NR3C2: variants seen among roughly 807,000 people sequenced by gnomAD.
NR3C2 encodes nuclear receptor subfamily 3 group C member 2.
A neutral mutation model predicts 86.4 loss-of-function variants in NR3C2; 15 were observed. The observed-to-expected ratio is 0.17, with a 90% CI of 0.12 to 0.27. The LOEUF (loss-of-function observed/expected upper bound fraction) is 0.27. NR3C2 is among the 10% of genes least tolerant of loss of function. NR3C2 has a pLI of 1.00. For missense variants in NR3C2, 960 were observed against 1,195.6 expected (o/e 0.80, Z 2.91); for synonymous variants, 458 against 450.5 (o/e 1.02, Z -0.21).
At chr4:148,207,523 G>T (rs1450738488) in intron 3 of NR3C2, among the ~76,000 whole-genome samples, 1 of 152,168 alleles carries the variant, frequency 6.6e-6, no homozygotes, top group African/African-American at 2.4e-5. Context: ...CTTATTTACA[G>T]CTGAAACTCA....
intron 4 of NR3C2, among the ~76,000 whole-genome samples, chr4:148,172,662 T>C (rs1735188768): frequency 6.6e-6 from 1 of 152,248 alleles, no homozygotes; most frequent in Admixed American, 6.5e-5. Context: ...GGCATGTTTG[T>C]TTATTCATTC....
At chr4:148,324,287 A>T (rs1579159913) in intron 2 of NR3C2, among the ~76,000 whole-genome samples, 1 of 152,104 alleles carries the variant, frequency 6.6e-6, no homozygotes, top group Non-Finnish European at 1.5e-5. Context: ...ATGTTGTCGC[A>T]AATGGCAGGA....
At chr4:148,334,818 T>G (rs553222220) in intron 2 of NR3C2, among the ~76,000 whole-genome samples, 2 of 152,120 alleles carry the variant, frequency 1.3e-5, no homozygotes, top group South Asian at 4.1e-4. Context: ...GAAGTCCGAG[T>G]TCGAGATGTT....
At chr4:148,154,964 C>T in intron 4 of NR3C2, 63 bp from the exon 5 acceptor site, 1 of 1,315,352 alleles carries the variant, frequency 7.6e-7, no homozygotes. Context: ...CTGACTCACA[C>T]TGGTTAAAGT....
chr4:148,351,553 G>C (rs1745276886), intron 2 of NR3C2, among the ~76,000 whole-genome samples: 1 of 152,114 alleles, frequency 6.6e-6, no homozygotes, highest in African/African-American at 2.4e-5. Context: ...GTCAGCAGTG[G>C]GATCCTGGAA....
chr4:148,320,314 C>T (rs947289582), intron 2 of NR3C2, among the ~76,000 whole-genome samples: 2 of 91,350 alleles, frequency 2.2e-5, no homozygotes, highest in Non-Finnish European at 4.1e-5. Flanking sequence ...CAATGTTCAT[C>T]AAGGATATTG....
chr4:148,306,827 A>G (rs1014620975), intron 2 of NR3C2, among the ~76,000 whole-genome samples: 1 of 152,222 alleles, frequency 6.6e-6, no homozygotes, highest in Non-Finnish European at 1.5e-5. Context: ...TATAGCACAT[A>G]TATCTTATGG....
At position 148,081,456 on chromosome 4, in the gene NR3C2, T is replaced by A; in HGVS notation, c.2843A>T (p.Glu948Val). The A allele has an allele frequency of 6.2e-7, 1 of 1,614,024 alleles. No individual in the cohort carries two copies. Among genetic ancestry groups the A allele is most frequent in the Non-Finnish European group, 8.5e-7 (1 of 1,179,992 alleles). Reference protein sequence around the residue: ...LLEFCFYTFRESHALKVEFPA... With the variant: ...LLEFCFYTFRVSHALKVEFPA... ...GAACTCTACCTTCAGCGCATGGGAC[T>A]CTCGGAAGGTGTAGAAGCAGAATTC... Residue 948 changes from glutamate (E) to valine (V), a missense_variant, in exon 9 of 9, where the codon GAG (glutamate) becomes GTG (valine). By Grantham distance (121) the Glu-to-Val change is moderately radical (BLOSUM62 -2). Transcript: ENST00000358102.
Position 148,207,718 on chromosome 4 carries a change from C to T in NR3C2, c.1898-12856G>A, listed in dbSNP as rs374884246. 1.6e-4 allele frequency among the ~76,000 whole-genome samples: 24 copies of T among 152,218 alleles called. No individual in the cohort carries two copies. The South Asian group carries it at 3.1e-3, about 20-fold the overall frequency. ...CTCACAGGGGCTTATAAAGATTAAG[C>T]CAACAGTACAGTAGTCTCCCTTTAT... On this transcript the variant is annotated intron_variant, in intron 3 of 8. Transcript: ENST00000358102.
chr4:148,134,041 C>T (rs931105653), intron 6 of NR3C2, among the ~76,000 whole-genome samples: 6 of 152,154 alleles, frequency 3.9e-5, no homozygotes, highest in Non-Finnish European at 5.9e-5. Context: ...TTTTTGGATG[C>T]CACAATTCTG....
At chr4:148,390,234 A>G (rs1189561654) in intron 2 of NR3C2, among the ~76,000 whole-genome samples, 2 of 151,736 alleles carry the variant, frequency 1.3e-5, no homozygotes, top group Non-Finnish European at 2.9e-5. Flanking sequence ...CTTCAAGTAT[A>G]CATTCCTTAA....
At chr4:148,121,278 G>C (rs1445618537) in intron 6 of NR3C2, among the ~76,000 whole-genome samples, 1 of 152,016 alleles carries the variant, frequency 6.6e-6, no homozygotes, top group Non-Finnish European at 1.5e-5. Context: ...ATGGATTCTG[G>C]GGCTCCCCTC....
intron 3 of NR3C2, among the ~76,000 whole-genome samples, chr4:148,215,738 A>T (rs1737497750): frequency 6.6e-6 from 1 of 152,016 alleles, no homozygotes; most frequent in Non-Finnish European, 1.5e-5. Flanking sequence ...GGAGATCTCC[A>T]AAGGGGTTAA....
intron 2 of NR3C2, among the ~76,000 whole-genome samples, chr4:148,330,502 T>C (rs1432110980): frequency 1.3e-5 from 2 of 148,536 alleles, no homozygotes; most frequent in African/African-American, 5.1e-5. Context: ...GGCAACCCAA[T>C]TTAGACATTA....
chr4:148,188,664 C>CAT (rs1265100531), intron 4 of NR3C2, among the ~76,000 whole-genome samples: 1 of 152,060 alleles, frequency 6.6e-6, no homozygotes, highest in Non-Finnish European at 1.5e-5. Context: ...GGTCAACGAT[C>CAT]ATATCATCAG....
intron 2 of NR3C2, among the ~76,000 whole-genome samples, chr4:148,317,159 A>G (rs1056105608): frequency 2.6e-5 from 4 of 152,166 alleles, no homozygotes; most frequent in Admixed American, 6.5e-5. Flanking sequence ...CACTTAAGAC[A>G]CTAGAAGTTC....
chr4:148,360,387 A>G (rs1289780633), intron 2 of NR3C2, among the ~76,000 whole-genome samples: 1 of 152,208 alleles, frequency 6.6e-6, no homozygotes, highest in African/African-American at 2.4e-5. Context: ...AACATAGTCC[A>G]AGATCTATAC....
At chr4:148,357,383 T>A (rs1409107157) in intron 2 of NR3C2, among the ~76,000 whole-genome samples, 1 of 152,180 alleles carries the variant, frequency 6.6e-6, no homozygotes, top group Non-Finnish European at 1.5e-5. Flanking sequence ...GTCATCATTA[T>A]CATCCTCTGT....
At chr4:148,403,891 G>C (rs926216899) in intron 2 of NR3C2, among the ~76,000 whole-genome samples, 1 of 152,018 alleles carries the variant, frequency 6.6e-6, no homozygotes, top group African/African-American at 2.4e-5. Flanking sequence ...GGAGAACTTG[G>C]ATACCTAGAG....
Sources: gnomAD v4.1 joint callset for allele counts (sites outside exome capture counted in the v4.1 genomes callset) on GRCh38, gnomAD v4.1.1 for gene constraint, MANE v1.5 for transcripts, NCBI Gene and HGNC (gene_info 2026-07-23, HGNC 2026-07-21) for gene names.